Variants in CHD9 observed in about 807,000 individuals in gnomAD.
CHD9 encodes ATP-dependent chromatin remodeler CHD9.
CHD9 carries 77 observed loss-of-function variants against 316.1 expected under a neutral mutation model. That is an observed-to-expected ratio of 0.24 (90% CI 0.20 to 0.29). The LOEUF is 0.29. Among genes scored for constraint, CHD9 ranks in the 10% least tolerant of loss-of-function variants. The probability of loss-of-function intolerance (pLI) is 1.00; values close to 1 mark genes in which losing one functional copy is unlikely to be tolerated. For missense variants in CHD9, 2,763 were observed against 3,438.1 expected, an observed-to-expected ratio of 0.80 and a Z score of 4.91; for synonymous variants, 1,129 against 1,158.3, an observed-to-expected ratio of 0.97 and a Z score of 0.51.
intron 3 of CHD9, among the ~76,000 whole-genome samples, chr16:53,216,256 T>G (rs565289048): frequency 6.6e-6 from 1 of 152,296 alleles, no homozygotes; most frequent in Admixed American, 6.5e-5. Flanking sequence ...TTGGGTGTTT[T>G]GCTTAACTGA....
intron 27 of CHD9, 80 bp downstream of exon 27, chr16:53,288,094 T>C: frequency 9.2e-7 from 1 of 1,088,748 alleles, no homozygotes; most frequent in Non-Finnish European, 1.4e-6. Context: ...TTTTGCATTA[T>C]ATTTTGTTTT....
intron 3 of CHD9, among the ~76,000 whole-genome samples, chr16:53,213,431 C>T (rs2152882223): frequency 6.6e-6 from 1 of 152,202 alleles, no homozygotes; most frequent in Non-Finnish European, 1.5e-5. Flanking sequence ...ATAATAGATG[C>T]TCCATGAATG....
intron 3 of CHD9, among the ~76,000 whole-genome samples, chr16:53,220,953 T>C (rs1229013347): frequency 2.0e-5 from 3 of 152,226 alleles, no homozygotes; most frequent in African/African-American, 7.2e-5. Flanking sequence ...AAAGCCCCCT[T>C]TACTCTTCAG....
At chr16:53,207,077 T>C (rs143051086) in intron 2 of CHD9, among the ~76,000 whole-genome samples, 12 of 152,268 alleles carry the variant, frequency 7.9e-5, no homozygotes, top group African/African-American at 2.4e-4. Flanking sequence ...TTTGAGGCCT[T>C]TGGTACCTAA....
chr16:53,232,613 G>GT (rs2048277332), intron 10 of CHD9, among the ~76,000 whole-genome samples: 1 of 152,082 alleles, frequency 6.6e-6, no homozygotes, highest in Non-Finnish European at 1.5e-5. Context: ...GTCACGTAAA[G>GT]TATTTTGAGA....
At chr16:53,150,038 T>C (rs2040969042) in intron 1 of CHD9, among the ~76,000 whole-genome samples, 1 of 152,146 alleles carries the variant, frequency 6.6e-6, no homozygotes, top group Admixed American at 6.5e-5. Context: ...TGTTTTTATT[T>C]TCATTTTTAT....
Position 53,134,493 on chromosome 16 carries a change from T to G in CHD9, c.-164-21433T>G, listed in dbSNP as rs149198278. On this transcript the variant is annotated intron_variant, in intron 1 of 38. Coordinates refer to ENST00000447540, the MANE Select transcript of CHD9 (RefSeq NM_001308319.2). Reference sequence around the variant, plus strand: ...CCCTTACTTTTCCACCTCTTGGAATTTTACCAGTCTGTGAATACTCAGGTC... The same window carrying G: ...CCCTTACTTTTCCACCTCTTGGAATGTTACCAGTCTGTGAATACTCAGGTC... 5.8e-4 allele frequency among the ~76,000 whole-genome samples: 89 copies of G among 152,306 alleles called. 3 individuals carry two copies. In the East Asian group the frequency reaches 0.011, roughly 19 times the overall value.
intron 26 of CHD9, 35 bp downstream of exon 26, chr16:53,286,378 A>G (rs2053876979): frequency 1.8e-6 from 2 of 1,090,680 alleles, no homozygotes; most frequent in Non-Finnish European, 2.8e-6. Flanking sequence ...TTTTCTATAT[A>G]TCTCTCTTCT....
intron 1 of CHD9, among the ~76,000 whole-genome samples, chr16:53,127,940 CAAAA>C (rs35806274): frequency 2.6e-5 from 2 of 78,210 alleles, no homozygotes; most frequent in African/African-American, 5.5e-5. Context: ...GAGACTCTGT[CAAAA>C]AAAAAAAAAA....
At chr16:53,074,873 C>T (rs1282206604) in intron 1 of CHD9, among the ~76,000 whole-genome samples, 1 of 152,224 alleles carries the variant, frequency 6.6e-6, no homozygotes, top group Non-Finnish European at 1.5e-5. Context: ...ACACAGAGTC[C>T]CTACTGGGAC....
chr16:53,085,225 C>A (rs1425190317), intron 1 of CHD9, among the ~76,000 whole-genome samples: 2 of 151,678 alleles, frequency 1.3e-5, no homozygotes, highest in African/African-American at 2.4e-5. Context: ...TGCCTTTGAT[C>A]ATCTTTTTTT....
chr16:53,143,144 G>A (rs1163910325), intron 1 of CHD9, among the ~76,000 whole-genome samples: 1 of 152,036 alleles, frequency 6.6e-6, no homozygotes, highest in African/African-American at 2.4e-5. Context: ...CTGTTGCTTT[G>A]AGGACTGAGT....
At position 53,255,787 on chromosome 16, in the gene CHD9, T is replaced by G; in HGVS notation, c.4209+8T>G. The G allele has an allele frequency of 6.2e-7, 1 of 1,612,250 alleles. No individual in the cohort carries two copies. Among genetic ancestry groups the G allele is most frequent in the Non-Finnish European group, 8.5e-7 (1 of 1,178,548 alleles). On this transcript the variant is annotated splice_region_variant and intron_variant, in intron 19 of 38. Coordinates refer to ENST00000447540, the MANE Select transcript of CHD9 (RefSeq NM_001308319.2). The stretch of plus-strand genomic sequence containing the variant: ...GGGTCAACATTTGCCAAGGTAATAG[T>G]GGGTGCAATTTTATTAACATAGCAG...
chr16:53,110,451 A>G (rs941969471), intron 1 of CHD9, among the ~76,000 whole-genome samples: 6 of 152,138 alleles, frequency 3.9e-5, no homozygotes, highest in Non-Finnish European at 8.8e-5. Context: ...TTTAAAAAAT[A>G]TATTTTAAAA....
intron 1 of CHD9, among the ~76,000 whole-genome samples, chr16:53,074,411 G>A (rs1168881163): frequency 6.6e-6 from 1 of 152,206 alleles, no homozygotes. Context: ...ATTTGCATAA[G>A]TAATGAGGAG....
intron 1 of CHD9, among the ~76,000 whole-genome samples, chr16:53,102,981 G>A (rs937492566): frequency 2.6e-5 from 4 of 151,790 alleles, no homozygotes; most frequent in Admixed American, 1.3e-4. Flanking sequence ...GAGTAGCTGG[G>A]ACTACAGGCA....
chr16:53,056,472 G>A lies in CHD9; in HGVS notation c.-165+1395G>A, dbSNP rs566238680. ...AGAACTATGAATACTGCATTTGATA[G>A]CCAAGGAAACTGAGGCTCAGAGAGG... On this transcript the variant is annotated intron_variant, in intron 1 of 38. Coordinates refer to ENST00000447540, the MANE Select transcript of CHD9 (RefSeq NM_001308319.2). 2.4e-4 allele frequency among the ~76,000 whole-genome samples: 37 copies of A among 152,324 alleles called. No homozygotes were observed. The South Asian group carries it at 7.5e-3, about 31-fold the overall frequency.
At chr16:53,252,111 A>G (rs2050176702) in intron 17 of CHD9, among the ~76,000 whole-genome samples, 2 of 152,234 alleles carry the variant, frequency 1.3e-5, no homozygotes, top group Admixed American at 1.3e-4. Flanking sequence ...CTAAGCCAAA[A>G]GAACAAATCT....
chr16:53,107,479 TA>T (rs1304270216), intron 1 of CHD9, among the ~76,000 whole-genome samples: 2 of 138,824 alleles, frequency 1.4e-5, no homozygotes, highest in Non-Finnish European at 3.0e-5. Flanking sequence ...TAAAATAAAA[TA>T]AAATAAAATA....
Sources: gnomAD v4.1 joint callset for allele counts (sites outside exome capture counted in the v4.1 genomes callset) on GRCh38, gnomAD v4.1.1 for gene constraint, MANE v1.5 for transcripts, NCBI Gene and HGNC (gene_info 2026-07-23, HGNC 2026-07-21) for gene names.